Variants in PARD3B observed in about 807,000 individuals in gnomAD.
PARD3B encodes the protein par-3 family cell polarity regulator beta.
PARD3B carries 103 observed loss-of-function variants against 130.2 expected under a neutral mutation model. The observed-to-expected ratio is 0.79, with a 90% CI of 0.67 to 0.93. The LOEUF (loss-of-function observed/expected upper bound fraction) is 0.93, where lower values mean the gene tolerates loss of function less well. Among genes scored for constraint, PARD3B ranks in the 40% least tolerant of loss-of-function variants. The pLI is 0.00. For synonymous variants in PARD3B, 583 were observed against 553.2 expected, an observed-to-expected ratio of 1.05 and a Z score of -0.76; for missense variants, 1,609 against 1,499.2, an observed-to-expected ratio of 1.07 and a Z score of -1.21.
rs2036406274 is a variant in PARD3B, at chr2:204,673,604, G to C, written c.121-12577G>C. On this transcript the variant is annotated intron_variant, in intron 1 of 22. Coordinates refer to ENST00000406610, the MANE Select transcript of PARD3B (RefSeq NM_001302769.2). This position sits in a 1 kb window ranked among gnomAD's most constrained non-coding sequence, Gnocchi z 4.7. ...GGCTCCCCACCTCCAGTCTGCCACT[G>C]ACTTGCCTCAAGTCTGTGCTCAAAT... is the stretch of plus-strand genomic sequence containing the variant. Among the ~76,000 whole-genome samples the C allele has an allele frequency of 6.6e-6, 1 of 152,190 alleles. No homozygotes were observed. The highest frequency in any genetic ancestry group is 1.5e-5 in the Non-Finnish European group (1 of 68,032).
chr2:205,441,521 G>C (rs1242174242), intron 20 of PARD3B, among the ~76,000 whole-genome samples: 1 of 152,198 alleles, frequency 6.6e-6, no homozygotes, highest in Non-Finnish European at 1.5e-5. Flanking sequence ...TGGTGGGGAA[G>C]AAGGGTAGCA....
At chr2:204,867,997 G>A (rs575791118) in intron 2 of PARD3B, among the ~76,000 whole-genome samples, 2 of 152,146 alleles carry the variant, frequency 1.3e-5, no homozygotes, top group Non-Finnish European at 2.9e-5. Context: ...AGAGATTGAT[G>A]GAGCAGGGTC....
chr2:205,618,763 A>C lies in PARD3B; in HGVS notation c.*2950A>C, dbSNP rs1490148107. 1.3e-5 allele frequency: 2 copies of C among 152,208 alleles called. No homozygotes were observed. The highest frequency in any genetic ancestry group is 6.5e-5 in the Admixed American group (1 of 15,276). The allele number at this position is 152,208 out of a possible 1,614,324, so 9.4% of individuals were successfully genotyped here. On this transcript the variant is annotated 3_prime_UTR_variant, in exon 23 of 23. Transcript: ENST00000406610. ...ATGCAGGAGAATTGAGACTTCCACA[A>C]GGGAGAGAAACACAGCCTCCCCAGA... is the stretch of plus-strand genomic sequence containing the variant.
chr2:205,603,441 A>G (rs2054868725), intron 22 of PARD3B, among the ~76,000 whole-genome samples: 1 of 152,144 alleles, frequency 6.6e-6, no homozygotes, highest in Non-Finnish European at 1.5e-5. Flanking sequence ...TCTAATATTG[A>G]CAATGGGTTG....
chr2:204,694,078 C>A (rs2037479740), intron 2 of PARD3B, among the ~76,000 whole-genome samples: 1 of 151,982 alleles, frequency 6.6e-6, no homozygotes. Flanking sequence ...ATATCGTTCA[C>A]ATCGTATTAT....
intron 2 of PARD3B, among the ~76,000 whole-genome samples, chr2:204,773,750 G>A (rs150452922): frequency 9.4e-4 from 143 of 152,208 alleles, no homozygotes; most frequent in Non-Finnish European, 1.6e-3. Flanking sequence ...GACCAGTGCA[G>A]TAGCCTCCTA....
At chr2:204,687,300 A>T (rs184146801) in intron 2 of PARD3B, among the ~76,000 whole-genome samples, 1 of 152,268 alleles carries the variant, frequency 6.6e-6, no homozygotes, top group African/African-American at 2.4e-5. Flanking sequence ...TTTTGTAATT[A>T]AAACCTGTTT....
At chr2:204,573,113 C>T (rs1376908069) in intron 1 of PARD3B, among the ~76,000 whole-genome samples, 7 of 152,220 alleles carry the variant, frequency 4.6e-5, no homozygotes, top group Non-Finnish European at 7.3e-5. Flanking sequence ...TCCATCTGCT[C>T]TTCTCTTGCC....
chr2:204,637,720 T>C (rs2034934813), intron 1 of PARD3B, among the ~76,000 whole-genome samples: 1 of 152,084 alleles, frequency 6.6e-6, no homozygotes, highest in South Asian at 2.1e-4. Flanking sequence ...CTTTAGCAAA[T>C]TGGTTACAGC....
chr2:205,387,999 A>G (rs2045723126), intron 18 of PARD3B, among the ~76,000 whole-genome samples: 1 of 152,164 alleles, frequency 6.6e-6, no homozygotes, highest in South Asian at 2.1e-4. Context: ...ATAGGATCCA[A>G]AATTTATCTC....
chr2:205,057,312 T>C (rs935079960), intron 4 of PARD3B, among the ~76,000 whole-genome samples: 8 of 148,266 alleles, frequency 5.4e-5, no homozygotes, highest in African/African-American at 2.0e-4. Context: ...TGTATTCGTA[T>C]ATGTATGTTA....
At chr2:204,594,974 C>A (rs564256290) in intron 1 of PARD3B, among the ~76,000 whole-genome samples, 1 of 152,262 alleles carries the variant, frequency 6.6e-6, no homozygotes, top group Non-Finnish European at 1.5e-5. Context: ...CTCCAGTGAT[C>A]TGACTAGAGA....
At chr2:205,424,110 G>C (rs1482158974) in intron 19 of PARD3B, among the ~76,000 whole-genome samples, 1 of 152,100 alleles carries the variant, frequency 6.6e-6, no homozygotes, top group African/African-American at 2.4e-5. Context: ...TACTGTAGTT[G>C]AATACAATAT....
rs2046405630 is a variant in PARD3B at position 205,405,986 on chromosome 2, A to G, written c.2741+4863A>G. ...TGGAAGTTCATGTACAAAATAAAGG[A>G]AGCAACAATAATTCTAATTTTACAC... On this transcript the variant is annotated intron_variant, in intron 19 of 22. Coordinates refer to ENST00000406610, the MANE Select transcript of PARD3B (RefSeq NM_001302769.2). This position sits in a 1 kb window ranked among gnomAD's most constrained non-coding sequence, Gnocchi z 4.1. Among the ~76,000 whole-genome samples, 1 of 152,216 alleles carries G rather than the reference A, an allele frequency of 6.6e-6. No individual in the cohort carries two copies. Among genetic ancestry groups the G allele is most frequent in the Admixed American group, 6.5e-5 (1 of 15,276 alleles).
At chr2:205,426,668 C>T (rs956213934) in intron 19 of PARD3B, among the ~76,000 whole-genome samples, 3 of 152,134 alleles carry the variant, frequency 2.0e-5, no homozygotes, top group African/African-American at 7.2e-5. Flanking sequence ...CTACAACTTC[C>T]TAGCACTGGC....
chr2:205,489,518 T>TACAC (rs2049594030), intron 20 of PARD3B, among the ~76,000 whole-genome samples: 37 of 134,746 alleles, frequency 2.7e-4, no homozygotes, highest in East Asian at 4.3e-4. Context: ...TACGTATATA[T>TACAC]ATATACACAC....
At chr2:205,571,029 G>A (rs2053542058) in intron 22 of PARD3B, among the ~76,000 whole-genome samples, 2 of 152,176 alleles carry the variant, frequency 1.3e-5, no homozygotes, top group Non-Finnish European at 2.9e-5. Flanking sequence ...GTAGGATATT[G>A]GAATATAGCT....
chr2:205,491,862 G>T (rs1246908000), intron 20 of PARD3B, among the ~76,000 whole-genome samples: 1 of 152,190 alleles, frequency 6.6e-6, no homozygotes, highest in Non-Finnish European at 1.5e-5. Context: ...AAGCCAAGTT[G>T]TCAGATTGTT....
At chr2:205,264,399 G>A (rs2040426805) in intron 16 of PARD3B, among the ~76,000 whole-genome samples, 1 of 151,022 alleles carries the variant, frequency 6.6e-6, no homozygotes, top group African/African-American at 2.4e-5. Flanking sequence ...CATGTTCAGT[G>A]GTTTGAAACA....
Sources: gnomAD v4.1 joint callset for allele counts (sites outside exome capture counted in the v4.1 genomes callset) on GRCh38, gnomAD v4.1.1 for gene constraint, Gnocchi (gnomAD v3.1) non-coding constraint, MANE v1.5 for transcripts, NCBI Gene and HGNC (gene_info 2026-07-23, HGNC 2026-07-21) for gene names.